CPA1: variants seen among roughly 807,000 people sequenced by gnomAD.
CPA1 encodes the protein carboxypeptidase A1 (pancreatic).
Under a neutral mutation model 48.7 loss-of-function variants are expected in CPA1, and 42 were observed. The observed-to-expected ratio is 0.86, with a 90% CI of 0.67 to 1.11. The LOEUF is 1.11. Ranked by LOEUF, CPA1 falls within the 50% of genes most tolerant of loss-of-function variation. CPA1 has a pLI of 0.00. For synonymous variants in CPA1, 203 were observed against 217.9 expected, an observed-to-expected ratio of 0.93 and a Z score of 0.60; for missense variants, 477 against 544.7, an observed-to-expected ratio of 0.88 and a Z score of 1.24.
At position 130,383,484 on chromosome 7, in the gene CPA1, G is replaced by T. The variant is rs371243612; in HGVS notation, c.577G>T (p.Ala193Ser). ...WVTQASGVWF[A>S]KKITQDYGQD... ...CACCCAGGCCAGTGGGGTCTGGTTT[G>T]CAAAGAAGGTAAGGCCGGGGAGGTG... The change falls in exon 5 of 10, where the codon GCA becomes TCA. Residue 193 changes from alanine to serine, a missense_variant. Coordinates refer to ENST00000011292, the MANE Select transcript of CPA1 (RefSeq NM_001868.4). 8.1e-6 allele frequency: 13 copies of T among 1,613,814 alleles called. No homozygotes were observed. In the Admixed American group the frequency reaches 2.2e-4, roughly 27 times the overall value.
chr7:130,384,473 C>CCT (rs1554411696), intron 6 of CPA1, 63 bp from the exon 7 acceptor site: 4 of 1,454,762 alleles, frequency 2.7e-6, no homozygotes, highest in East Asian at 4.5e-5. Flanking sequence ...AACCACCCCC[C>CCT]ACCCAGCACT....
Position 130,383,500 on chromosome 7 carries a change from CG to C in CPA1, c.585+12del, listed in dbSNP as rs1562967586. 2 of 1,611,334 alleles carry C rather than the reference CG, an allele frequency of 1.2e-6. No homozygotes were observed. The highest frequency in any genetic ancestry group is 1.7e-6 in the Non-Finnish European group (2 of 1,177,770). ...GTCTGGTTTGCAAAGAAGGTAAGGC[CG>C]GGGAGGTGAGGAGGGCTCTCACCTG... On this transcript the variant is annotated intron_variant, in intron 5 of 9. Coordinates refer to ENST00000011292, the MANE Select transcript of CPA1 (RefSeq NM_001868.4).
chr7:130,383,943 G>C, intron 6 of CPA1, 149 bp downstream of exon 6: 1 of 667,402 alleles, frequency 1.5e-6, no homozygotes, highest in South Asian at 1.7e-5. Flanking sequence ...CAACAGTGGC[G>C]TGATTGGCAT....
chr7:130,384,953 C>A, intron 7 of CPA1, 193 bp from the exon 8 acceptor site: 1 of 629,414 alleles, frequency 1.6e-6, no homozygotes, highest in Non-Finnish European at 2.8e-6. Context: ...CTGGGTGTGT[C>A]CATCAGCTCT....
At chr7:130,385,730 T>A (rs1456129788) in intron 8 of CPA1, 109 bp from the exon 9 acceptor site, 3 of 817,834 alleles carry the variant, frequency 3.7e-6, no homozygotes, top group Middle Eastern at 3.2e-4. Context: ...GGAGGCCCAC[T>A]TCTGCAGGGT....
intron 2 of CPA1, 40 bp from the exon 3 acceptor site, chr7:130,381,590 C>G (rs782047513): frequency 2.3e-5 from 35 of 1,515,240 alleles, no homozygotes; most frequent in South Asian, 1.1e-4. Flanking sequence ...GGCTGGTGCC[C>G]CCAGCCCGCT....
intron 4 of CPA1, among the ~76,000 whole-genome samples, chr7:130,382,694 T>A (rs1796422763): frequency 7.5e-6 from 1 of 134,226 alleles, no homozygotes; most frequent in Non-Finnish European, 1.5e-5. Flanking sequence ...TGGAGTACAG[T>A]GGCGCAGTAG....
intron 9 of CPA1, 137 bp downstream of exon 9, chr7:130,386,060 AGGGGT>A: frequency 1.5e-6 from 1 of 651,546 alleles, no homozygotes; most frequent in South Asian, 1.9e-5. Flanking sequence ...GGCTATTCTG[AGGGGT>A]GGGCAGTCCC....
chr7:130,381,499 C>T (rs1796403221), intron 2 of CPA1, 131 bp from the exon 3 acceptor site: 12 of 678,082 alleles, frequency 1.8e-5, no homozygotes, highest in Non-Finnish European at 2.5e-5. Context: ...GCCCTATTAC[C>T]CCTGACCTAT....
At chr7:130,381,916 C>A in intron 3 of CPA1, 53 bp downstream of exon 3, 2 of 1,540,344 alleles carry the variant, frequency 1.3e-6, no homozygotes, top group Non-Finnish European at 8.9e-7. Flanking sequence ...TTCATCATGG[C>A]TGGTAGAACG....
At chr7:130,381,548 C>A in intron 2 of CPA1, 82 bp from the exon 3 acceptor site, 1 of 1,008,766 alleles carries the variant, frequency 9.9e-7, no homozygotes, top group East Asian at 2.4e-5. Flanking sequence ...AACAGCCCCT[C>A]CCACGCAGGC....
chr7:130,380,933 C>T, intron 1 of CPA1, 165 bp from the exon 2 acceptor site: 1 of 640,914 alleles, frequency 1.6e-6, no homozygotes, highest in South Asian at 1.8e-5. Context: ...TGAGGGAGCC[C>T]AGGCCTCTCC....
At chr7:130,382,337 C>T (rs1462421944) in intron 4 of CPA1, 128 bp downstream of exon 4, 12 of 701,476 alleles carry the variant, frequency 1.7e-5, no homozygotes, top group Non-Finnish European at 2.9e-5. Flanking sequence ...CCCATGCAGA[C>T]ATTTGGAAAG....
chr7:130,383,398 C>G lies in CPA1; in HGVS notation c.491C>G (p.Thr164Arg). The change falls in exon 5 of 10, where the codon ACG (threonine) becomes AGG (arginine). Residue 164 changes from threonine (T) to arginine (R), a missense_variant. Physicochemically the swap from Thr to Arg is moderately conservative, Grantham distance 71 (BLOSUM62 -1). Coordinates refer to ENST00000011292, the MANE Select transcript of CPA1 (RefSeq NM_001868.4). ...GRPIYVLKFS[T>R]GGSKRPAIWI... ...CCCCTGCCTCCTCTCCAGTTCAGCACGGGGGGCAGTAAGCGTCCAGCCATC... is the reference window on the plus strand; with the variant it reads ...CCCCTGCCTCCTCTCCAGTTCAGCAGGGGGGGCAGTAAGCGTCCAGCCATC... 6.2e-7 allele frequency: 1 copy of G among 1,613,858 alleles called. No homozygotes were observed. The highest frequency in any genetic ancestry group is 1.1e-5 in the South Asian group (1 of 91,020).
At position 130,387,740 on chromosome 7, in the gene CPA1, G is replaced by A. The variant is rs1372565289; in HGVS notation, c.1073-84G>A. On this transcript the variant is annotated intron_variant, in intron 9 of 9. Transcript: ENST00000011292. This position sits in a 1 kb window ranked among gnomAD's most constrained non-coding sequence, Gnocchi z 4.6. ...AGCATTGCACAAGGCACAGAGCTTT[G>A]GACAGGGTTGGATCGTTAACCCAAC... 7 of 1,252,070 alleles carry A rather than the reference G, an allele frequency of 5.6e-6. No individual in the cohort carries two copies. Among genetic ancestry groups the A allele is most frequent in the South Asian group, 4.0e-5 (3 of 75,316 alleles). 77.6% of individuals were successfully genotyped at this position (1,252,070 alleles called of 1,614,324 possible). A position where few individuals can be genotyped will look rare whatever the true frequency, so the allele number is the denominator to read the frequency against.
At chr7:130,384,895 C>G in intron 7 of CPA1, 1 of 606,016 alleles carries the variant, frequency 1.7e-6, no homozygotes, top group Non-Finnish European at 2.9e-6. Context: ...CCGCCTTGGC[C>G]ACGTCTCTGT....
Position 130,382,210 on chromosome 7 carries a change from G to A in CPA1, c.483+1G>A, listed in dbSNP as rs1796416040. 3 of 1,612,094 alleles carry A rather than the reference G, an allele frequency of 1.9e-6. No individual in the cohort carries two copies. Among genetic ancestry groups the A allele is most frequent in the East Asian group, 4.5e-5 (2 of 44,898 alleles). ...AGGGCGTCCCATTTACGTGCTGAAG[G>A]TAACATCCACATGTGGACATACACA... On this transcript the variant is annotated splice_donor_variant, in intron 4 of 9. Transcript: ENST00000011292. LOFTEE classifies it high-confidence loss of function.
At chr7:130,382,908 G>C (rs1469040158) in intron 4 of CPA1, among the ~76,000 whole-genome samples, 1 of 152,114 alleles carries the variant, frequency 6.6e-6, no homozygotes, top group Non-Finnish European at 1.5e-5. Context: ...CTCCCAAAGT[G>C]CTGGGATTGC....
At position 130,387,991 on chromosome 7, in the gene CPA1, ACCCTGAATCAC is replaced by A; in HGVS notation, c.1245_1255del (p.Asn416LeufsTer3). On this transcript the variant is annotated frameshift_variant, in exon 10 of 10. Transcript: ENST00000011292. LOFTEE classifies it high-confidence loss of function. The surrounding 1 kb of genome is among the most constrained non-coding windows in gnomAD (Gnocchi z 4.6). Reference sequence around the variant, plus strand: ...GGCGCTTCTGACCATCATGGAGCACACCCTGAATCACCCCTACTGAGCTGACCCTTTGACAC... The same window carrying A: ...GGCGCTTCTGACCATCATGGAGCACACCCTACTGAGCTGACCCTTTGACAC... The A allele has an allele frequency of 6.2e-7, 1 of 1,613,992 alleles. No individual in the cohort carries two copies. The highest frequency in any genetic ancestry group is 1.7e-5 in the Admixed American group (1 of 60,006).
Sources: gnomAD v4.1 joint callset for allele counts (sites outside exome capture counted in the v4.1 genomes callset) on GRCh38, gnomAD v4.1.1 for gene constraint, Gnocchi (gnomAD v3.1) non-coding constraint, MANE v1.5 for transcripts, NCBI Gene and HGNC (gene_info 2026-07-23, HGNC 2026-07-21) for gene names.